Variants in PCDH1 observed in about 807,000 individuals in gnomAD.
The protein encoded by PCDH1 is protocadherin 1, also known as protocadherin-1.
A neutral mutation model predicts 74.6 loss-of-function variants in PCDH1; 23 were observed. The ratio of observed to expected loss-of-function variants is 0.31; its 90% confidence interval spans 0.22 to 0.44. The LOEUF is 0.44. Among genes scored for constraint, PCDH1 ranks in the 20% least tolerant of loss-of-function variants. The probability of loss-of-function intolerance (pLI) is 1.00; values close to 1 mark genes in which losing one functional copy is unlikely to be tolerated. For missense variants in PCDH1, 1,214 were observed against 1,641.4 expected (o/e 0.74, Z 4.50); for synonymous variants, 647 against 686.1 (o/e 0.94, Z 0.89).
rs922957862 is a variant in PCDH1 at position 141,863,458 on chromosome 5, T to C, written c.2873A>G (p.Tyr958Cys). Residue 958 changes from tyrosine to cysteine, a missense_variant, in exon 3 of 5, where the codon TAC becomes TGC. Around this residue, in one of 4 missense-constraint regions of PCDH1, gnomAD observed 836 missense variants for 1,182.2 expected, o/e 0.71. Coordinates refer to ENST00000287008, the MANE Select transcript of PCDH1 (RefSeq NM_032420.5). This position sits in a 1 kb window ranked among gnomAD's most constrained non-coding sequence, Gnocchi z 7.5. ...DSPRIHLPLNYPPGSPDLGRH... is the reference protein window; with the variant it reads ...DSPRIHLPLNCPPGSPDLGRH... ...GCCCAGGTCAGGGCTGCCTGGTGGG[T>C]AGTTGAGGGGCAGGTGGATGCGGGG... is the stretch of plus-strand genomic sequence containing the variant. 6.4e-7 allele frequency: 1 copy of C among 1,571,592 alleles called. No individual in the cohort carries two copies. Among genetic ancestry groups the C allele is most frequent in the African/African-American group, 1.3e-5 (1 of 74,258 alleles).
rs144835389 is a variant in PCDH1 at position 141,865,371 on chromosome 5, G to A, written c.960C>T (p.His320=). Residue 320 remains histidine, a synonymous_variant, in exon 3 of 5, where the codon CAC becomes CAT. Coordinates refer to ENST00000287008, the MANE Select transcript of PCDH1 (RefSeq NM_032420.5). This position sits in a 1 kb window ranked among gnomAD's most constrained non-coding sequence, Gnocchi z 4.4. ...GACGCCTCACAACTTCGGGCGCCTGGTGGAATGTGTATTCGATTTCTGCAT... is the reference window on the plus strand; with the variant it reads ...GACGCCTCACAACTTCGGGCGCCTGATGGAATGTGTATTCGATTTCTGCAT... The part of the protein sequence containing the change: ...GANAEIEYTF[H]QAPEVVRRLL... 66 of 1,614,078 alleles carry A rather than the reference G, an allele frequency of 4.1e-5. No individual in the cohort carries two copies. The Middle Eastern group carries it at 4.9e-4, about 12-fold the overall frequency.
Position 141,864,373 on chromosome 5 carries a change from T to C in PCDH1, c.1958A>G (p.Gln653Arg). The C allele has an allele frequency of 6.2e-7, 1 of 1,614,084 alleles. No homozygotes were observed. Among genetic ancestry groups the C allele is most frequent in the South Asian group, 1.1e-5 (1 of 91,084 alleles). Residue 653 changes from glutamine to arginine, a missense_variant, in exon 3 of 5, where the codon CAG (glutamine) becomes CGG (arginine). By Grantham distance (43) the Gln-to-Arg change is conservative (BLOSUM62 1). Transcript: ENST00000287008. This position sits in a 1 kb window ranked among gnomAD's most constrained non-coding sequence, Gnocchi z 5.9. The stretch of plus-strand genomic sequence containing the variant: ...CTGGATAACAAAGTCACCGTTGTCC[T>C]GCTCCACTGAGAGCTGCACCTGGGC... ...ENAQVQLSVEQDNGDFVIQNG... is the reference protein window; with the variant it reads ...ENAQVQLSVERDNGDFVIQNG...
chr5:141,866,576 G>C (rs1752848676), intron 2 of PCDH1, among the ~76,000 whole-genome samples: 2 of 152,100 alleles, frequency 1.3e-5, no homozygotes, highest in African/African-American at 4.8e-5. Context: ...AGAGTCTCTG[G>C]GGTAACAAAA....
rs1286709699 is a variant in PCDH1 at position 141,868,722 on chromosome 5, G to A, written c.750C>T (p.Ile250=). The change falls in exon 2 of 5, where the codon ATC becomes ATT. Residue 250 remains isoleucine (I), a synonymous_variant. Transcript: ENST00000287008. This position sits in a 1 kb window ranked among gnomAD's most constrained non-coding sequence, Gnocchi z 4.8. ...RERWDSYDLT[I]KVQDGGSPPR... is the part of the protein sequence containing the mutation. ...GGGGGCTGCCGCCATCCTGCACCTTGATGGTGAGGTCATAGGAGTCCCAGC... is the reference window on the plus strand; with the variant it reads ...GGGGGCTGCCGCCATCCTGCACCTTAATGGTGAGGTCATAGGAGTCCCAGC... 1.2e-6 allele frequency: 2 copies of A among 1,614,130 alleles called. No homozygotes were observed. The highest frequency in any genetic ancestry group is 1.7e-6 in the Non-Finnish European group (2 of 1,180,006).
Position 141,854,256 on chromosome 5 carries a change from G to A in PCDH1, c.3500C>T (p.Ala1167Val), listed in dbSNP as rs140436192. ...PYQDRGGQEP[A>V]GAGSPSPPED... ...CGGGGGGCTGGGGCTGCCGGCGCCC[G>A]CAGGCTCCTGCCCTCCTCGGTCCTG... Residue 1167 changes from alanine (A) to valine (V), a missense_variant, in exon 5 of 5, where the codon GCG becomes GTG. Ala to Val is a moderately conservative substitution (Grantham distance 64, BLOSUM62 0). Transcript: ENST00000287008. 4.7e-5 allele frequency: 76 copies of A among 1,611,952 alleles called. No homozygotes were observed. The highest frequency in any genetic ancestry group is 4.1e-4 in the African/African-American group (31 of 75,002).
rs376451857 is a variant in PCDH1 at position 141,858,506 on chromosome 5, C to T, written c.3100-1035G>A. On this transcript the variant is annotated intron_variant, in intron 3 of 4. Coordinates refer to ENST00000287008, the MANE Select transcript of PCDH1 (RefSeq NM_032420.5). ...GAGGAGCCAGACTTGGAGGCTTGGA[C>T]TGGGGACTGGGGGTCGGGGGAGTGG... 4.6e-5 allele frequency among the ~76,000 whole-genome samples: 7 copies of T among 152,252 alleles called. No individual in the cohort carries two copies. The South Asian group carries it at 1.4e-3, about 32-fold the overall frequency.
chr5:141,878,363 A>T lies in PCDH1; in HGVS notation c.-101T>A, dbSNP rs1182679967. On this transcript the variant is annotated 5_prime_UTR_variant, in exon 1 of 5. Coordinates refer to ENST00000287008, the MANE Select transcript of PCDH1 (RefSeq NM_032420.5). The surrounding 1 kb of genome is among the most constrained non-coding windows in gnomAD (Gnocchi z 5.5). ...GGCTCCGGCTGGCTCTGGGCGCAGCAGCCCGGCGGCTTTGCGTCCGCGCCG... is the reference window on the plus strand; with the variant it reads ...GGCTCCGGCTGGCTCTGGGCGCAGCTGCCCGGCGGCTTTGCGTCCGCGCCG... 2 of 931,338 alleles carry T rather than the reference A, an allele frequency of 2.1e-6. No individual in the cohort carries two copies. The highest frequency in any genetic ancestry group is 2.7e-6 in the Non-Finnish European group (2 of 734,750). 57.7% of individuals were successfully genotyped at this position (931,338 alleles called of 1,614,324 possible). A position where few individuals can be genotyped will look rare whatever the true frequency, so the allele number is the denominator to read the frequency against.
Position 141,869,385 on chromosome 5 carries a change from G to T in PCDH1, c.87C>A (p.Ser29Arg). 6.3e-7 allele frequency: 1 copy of T among 1,597,932 alleles called. No homozygotes were observed. The highest frequency in any genetic ancestry group is 8.5e-7 in the Non-Finnish European group (1 of 1,177,124). The change falls in exon 2 of 5, where the codon AGC (serine) becomes AGA (arginine). Residue 29 changes from serine to arginine, a missense_variant. This residue lies in a region of PCDH1 where 87 missense variants were observed against 87.7 expected (regional missense o/e 0.99). Coordinates refer to ENST00000287008, the MANE Select transcript of PCDH1 (RefSeq NM_032420.5). This position sits in a 1 kb window ranked among gnomAD's most constrained non-coding sequence, Gnocchi z 4.9. Reference protein sequence around the residue: ...GPPRMEHLRHSPGPGGQRLLL... With the variant: ...GPPRMEHLRHRPGPGGQRLLL... The stretch of plus-strand genomic sequence containing the variant: ...GTAGCCGTTGCCCCCCAGGGCCTGG[G>T]CTGTGCCTCAGGTGCTCCATCCTGG...
rs146518889 is a variant in PCDH1 at position 141,863,655 on chromosome 5, C to T, written c.2676G>A (p.Glu892=). The T allele has an allele frequency of 1.1e-4, 182 of 1,614,184 alleles. 1 individual carries two copies. In the African/African-American group the frequency reaches 1.6e-3, roughly 15 times the overall value. ...GCTTGGGGGCATACAGGTCCTTGGT[C>T]TCCTTCTTACCAGCCTGGTAACCAC... The part of the protein sequence containing the change: ...AKSGYQAGKK[E]TKDLYAPKPS... Residue 892 remains glutamate (E), a synonymous_variant, in exon 3 of 5, where the codon GAG becomes GAA. Coordinates refer to ENST00000287008, the MANE Select transcript of PCDH1 (RefSeq NM_032420.5). The surrounding 1 kb of genome is among the most constrained non-coding windows in gnomAD (Gnocchi z 7.5).
In PCDH1 at chr5:141,869,127, G is replaced by C. The variant is rs760160399; in HGVS notation, c.345C>G (p.Ile115Met). The change falls in exon 2 of 5, where the codon ATC becomes ATG. Residue 115 changes from isoleucine (I) to methionine (M), a missense_variant. By Grantham distance (10) the Ile-to-Met change is conservative (BLOSUM62 1). This residue lies in a region of PCDH1 where 97 missense variants were observed against 173.2 expected (regional missense o/e 0.56). Coordinates refer to ENST00000287008, the MANE Select transcript of PCDH1 (RefSeq NM_032420.5). The surrounding 1 kb of genome is among the most constrained non-coding windows in gnomAD (Gnocchi z 4.9). The stretch of plus-strand genomic sequence containing the variant: ...GGCATTCACGGAGCCCCTCACGGTC[G>C]ATGGAGGTCTCGGTGGTGAAAATGT... ...TGDIFTTETSIDREGLRECQN... is the reference protein window; with the variant it reads ...TGDIFTTETSMDREGLRECQN... 6.2e-7 allele frequency: 1 copy of C among 1,614,104 alleles called. No individual in the cohort carries two copies. The highest frequency in any genetic ancestry group is 1.1e-5 in the South Asian group (1 of 91,068).
intron 2 of PCDH1, chr5:141,866,127 G>C: frequency 2.0e-6 from 2 of 985,528 alleles, no homozygotes; most frequent in South Asian, 9.4e-5. Flanking sequence ...GTCAGGTAGG[G>C]TTGTGGGTCA....
chr5:141,856,472 A>G (rs902658175), intron 4 of PCDH1, among the ~76,000 whole-genome samples: 3 of 152,060 alleles, frequency 2.0e-5, no homozygotes, highest in Admixed American at 2.0e-4. Flanking sequence ...GTGGGACCCG[A>G]GGACAACTCC....
At chr5:141,860,455 C>G (rs192475684) in intron 3 of PCDH1, among the ~76,000 whole-genome samples, 1 of 149,844 alleles carries the variant, frequency 6.7e-6, no homozygotes, top group South Asian at 2.1e-4. Context: ...GCCAAGATTG[C>G]GCCCCTGCAC....
chr5:141,860,866 A>G (rs1255972160), intron 3 of PCDH1, among the ~76,000 whole-genome samples: 1 of 152,222 alleles, frequency 6.6e-6, no homozygotes, highest in Non-Finnish European at 1.5e-5. Context: ...CTGTAATCCC[A>G]GCACTTTGGG....
chr5:141,876,235 A>G (rs1753229370), intron 1 of PCDH1, among the ~76,000 whole-genome samples: 1 of 152,186 alleles, frequency 6.6e-6, no homozygotes, highest in Non-Finnish European at 1.5e-5. Context: ...AGGCAAGGCT[A>G]GGGCGCGGCG....
intron 3 of PCDH1, among the ~76,000 whole-genome samples, chr5:141,858,705 G>C (rs978793696): frequency 6.6e-6 from 1 of 152,160 alleles, no homozygotes; most frequent in African/African-American, 2.4e-5. Context: ...AGTTGTGGAG[G>C]GTGCAGACTC....
chr5:141,872,983 G>C (rs1753129987), intron 1 of PCDH1, among the ~76,000 whole-genome samples: 1 of 152,134 alleles, frequency 6.6e-6, no homozygotes, highest in Non-Finnish European at 1.5e-5. Flanking sequence ...TCAAAATGAG[G>C]ATTATCTGGC....
In PCDH1 at chr5:141,868,578, C is replaced by T. The variant is rs771023309; in HGVS notation, c.894G>A (p.Ser298=). The part of the protein sequence containing the change: ...ELSENSPIGH[S]VIQVKANDSD... ...GGAGGGGGCCTCTCACCTGGATGAC[C>T]GAGTGGCCTATGGGGCTATTCTCAG... is the stretch of plus-strand genomic sequence containing the variant. Residue 298 remains serine, a synonymous_variant, in exon 2 of 5, where the codon TCG becomes TCA. Transcript: ENST00000287008. This position sits in a 1 kb window ranked among gnomAD's most constrained non-coding sequence, Gnocchi z 4.8. 25 of 1,530,954 alleles carry T rather than the reference C, an allele frequency of 1.6e-5. No individual in the cohort carries two copies. Among genetic ancestry groups the T allele is most frequent in the East Asian group, 4.5e-5 (2 of 44,242 alleles). The allele number at this position is 1,530,954 out of a possible 1,614,324, so 94.8% of individuals were successfully genotyped here.
chr5:141,868,853 G>C lies in PCDH1; in HGVS notation c.619C>G (p.Leu207Val). The change falls in exon 2 of 5, where the codon CTG (leucine) becomes GTG (valine). Residue 207 changes from leucine to valine, a missense_variant. This residue lies in a region of PCDH1 where 836 missense variants were observed against 1,182.2 expected (regional missense o/e 0.71). Transcript: ENST00000287008. The surrounding 1 kb of genome is among the most constrained non-coding windows in gnomAD (Gnocchi z 4.8). ...AGPNGVASYE[L>V]QAGPEAQELF... ...TCCTGGGCCTCAGGCCCAGCCTGCA[G>C]CTCATAGGATGCCACACCGTTGGGA... 6.2e-7 allele frequency: 1 copy of C among 1,614,208 alleles called. No homozygotes were observed. The highest frequency in any genetic ancestry group is 8.5e-7 in the Non-Finnish European group (1 of 1,180,042).
Sources: allele counts gnomAD v4.1 joint callset (sites outside exome capture counted in the v4.1 genomes callset), GRCh38; gene constraint gnomAD v4.1.1; regional missense constraint gnomAD v4.1.1; non-coding constraint Gnocchi (gnomAD v3.1); transcripts MANE v1.5; gene names NCBI Gene and HGNC (gene_info 2026-07-23, HGNC 2026-07-21).